Variants in CNTNAP2 observed in about 807,000 individuals in gnomAD.
The protein encoded by CNTNAP2 is contactin associated protein 2, also known as contactin-associated protein-like 2.
Under a neutral mutation model 155.2 loss-of-function variants are expected in CNTNAP2, and 98 were observed. That is an observed-to-expected ratio of 0.63 (90% confidence interval 0.54 to 0.75). The LOEUF is 0.75. Ranked by LOEUF, CNTNAP2 falls within the 30% of genes least tolerant of loss-of-function variation. CNTNAP2 has a pLI of 0.00. For synonymous variants in CNTNAP2, 651 were observed against 631.2 expected (o/e 1.03, Z -0.47); for missense variants, 1,727 against 1,688.1 (o/e 1.02, Z -0.40).
At chr7:148,019,406 C>T (rs905096116) in intron 15 of CNTNAP2, among the ~76,000 whole-genome samples, 3 of 152,110 alleles carry the variant, frequency 2.0e-5, no homozygotes, top group African/African-American at 7.2e-5. Flanking sequence ...CTTATTGATT[C>T]TTCAGTTCCT....
intron 20 of CNTNAP2, among the ~76,000 whole-genome samples, chr7:148,259,248 C>T (rs562624737): frequency 1.2e-4 from 17 of 136,664 alleles, no homozygotes; most frequent in South Asian, 5.1e-4. Context: ...CCCAGCTACT[C>T]GGTAGGCTAA....
At chr7:148,277,354 G>A (rs538552114) in intron 21 of CNTNAP2, among the ~76,000 whole-genome samples, 13 of 152,150 alleles carry the variant, frequency 8.5e-5, no homozygotes, top group South Asian at 2.1e-4. Context: ...CCTGCCCTTT[G>A]CTTACTTGCT....
intron 9 of CNTNAP2, among the ~76,000 whole-genome samples, chr7:147,363,684 T>C (rs1284375759): frequency 6.6e-6 from 1 of 152,216 alleles, no homozygotes; most frequent in Non-Finnish European, 1.5e-5. Context: ...AATTGCCTCT[T>C]GATTTTTTGT....
chr7:147,497,605 C>T (rs2888490), intron 11 of CNTNAP2, among the ~76,000 whole-genome samples: 43,567 of 152,062 alleles, frequency 0.29, 6,373 homozygotes, highest in East Asian at 0.43. Flanking sequence ...TGTATTACTG[C>T]AAAGGAATTC....
chr7:146,151,685 T>C (rs1188273792), intron 1 of CNTNAP2, among the ~76,000 whole-genome samples: 2 of 50,792 alleles, frequency 3.9e-5, no homozygotes, highest in South Asian at 5.4e-4. Flanking sequence ...TATATATGTA[T>C]ATATATATAT....
intron 11 of CNTNAP2, among the ~76,000 whole-genome samples, chr7:147,503,313 C>T (rs985258742): frequency 6.6e-6 from 1 of 152,186 alleles, no homozygotes; most frequent in Non-Finnish European, 1.5e-5. Context: ...TCTTTCTCTC[C>T]TTTCTCTTGT....
chr7:146,280,254 A>T (rs1800229273), intron 1 of CNTNAP2, among the ~76,000 whole-genome samples: 1 of 152,210 alleles, frequency 6.6e-6, no homozygotes, highest in South Asian at 2.1e-4. Context: ...ACTTTCCAAA[A>T]ATACTTTATG....
chr7:146,414,692 G>C (rs1174763324), intron 1 of CNTNAP2, among the ~76,000 whole-genome samples: 2 of 152,102 alleles, frequency 1.3e-5, no homozygotes, highest in African/African-American at 4.8e-5. Flanking sequence ...GGGGTATTGT[G>C]GCAAAAATGC....
intron 13 of CNTNAP2, among the ~76,000 whole-genome samples, chr7:147,673,907 C>T (rs1795827385): frequency 6.6e-6 from 1 of 151,982 alleles, no homozygotes; most frequent in Non-Finnish European, 1.5e-5. Flanking sequence ...TTAAATGGTA[C>T]AAAAATCAGT....
chr7:146,533,642 C>G (rs1008813685), intron 1 of CNTNAP2, among the ~76,000 whole-genome samples: 3 of 152,066 alleles, frequency 2.0e-5, no homozygotes, highest in African/African-American at 7.2e-5. Context: ...CAGAGTCAAT[C>G]TTGAAATAAA....
chr7:148,294,724 C>T (rs1483723833), intron 21 of CNTNAP2, among the ~76,000 whole-genome samples: 1 of 152,098 alleles, frequency 6.6e-6, no homozygotes, highest in Non-Finnish European at 1.5e-5. Flanking sequence ...CATAAGAGAA[C>T]ACTAGAAGAC....
chr7:147,854,456 C>G (rs1799002243), intron 13 of CNTNAP2, among the ~76,000 whole-genome samples: 1 of 152,152 alleles, frequency 6.6e-6, no homozygotes, highest in Non-Finnish European at 1.5e-5. Context: ...TCTCTTGTGA[C>G]ATAGGCCCTT....
chr7:147,752,617 G>A (rs892582179), intron 13 of CNTNAP2, among the ~76,000 whole-genome samples: 2 of 152,134 alleles, frequency 1.3e-5, no homozygotes, highest in African/African-American at 4.8e-5. Flanking sequence ...TGTCCACCTG[G>A]GTTTTGAAAA....
At chr7:148,411,684 G>A (rs1490991104) in intron 23 of CNTNAP2, among the ~76,000 whole-genome samples, 1 of 151,746 alleles carries the variant, frequency 6.6e-6, no homozygotes, top group Non-Finnish European at 1.5e-5. Context: ...TTGCCATCAG[G>A]TCTTTAATCA....
intron 17 of CNTNAP2, among the ~76,000 whole-genome samples, chr7:148,149,820 G>A (rs542532280): frequency 4.3e-4 from 66 of 152,034 alleles, no homozygotes; most frequent in Non-Finnish European, 7.8e-4. Flanking sequence ...CCAAAATGCT[G>A]GGATTACAGG....
At chr7:147,061,978 T>A (rs368136920) in intron 4 of CNTNAP2, among the ~76,000 whole-genome samples, 5,791 of 145,718 alleles carry the variant, frequency 0.04, no homozygotes, top group African/African-American at 0.13. Flanking sequence ...AATACAAAAA[T>A]TTAGCCAGGC....
intron 19 of CNTNAP2, among the ~76,000 whole-genome samples, chr7:148,219,794 T>G (rs1011307004): frequency 2.0e-5 from 3 of 152,052 alleles, no homozygotes; most frequent in East Asian, 1.9e-4. Context: ...AAGGCTGCAG[T>G]GAGCTATGAT....
chr7:147,966,460 T>G (rs1341341013), intron 14 of CNTNAP2, among the ~76,000 whole-genome samples: 1 of 152,112 alleles, frequency 6.6e-6, no homozygotes, highest in Non-Finnish European at 1.5e-5. Context: ...AAAGATTTGA[T>G]TTATAAAAAT....
chr7:147,014,879 A>T (rs1268023945), intron 3 of CNTNAP2, among the ~76,000 whole-genome samples: 1 of 152,168 alleles, frequency 6.6e-6, no homozygotes, highest in African/African-American at 2.4e-5. Context: ...CTAATATGTT[A>T]TTCTCTTTTG....
Sources: allele counts gnomAD v4.1 joint callset (sites outside exome capture counted in the v4.1 genomes callset), GRCh38; gene constraint gnomAD v4.1.1; transcripts MANE v1.5; gene names NCBI Gene and HGNC (gene_info 2026-07-23, HGNC 2026-07-21).